The following SNTG2 variants were observed in gnomAD, a reference collection of about 807,000 sequenced individuals.
The protein encoded by SNTG2 is syntrophin gamma 2, also known as gamma-2-syntrophin.
SNTG2 carries 74 observed loss-of-function variants against 70.9 expected under a neutral mutation model. The observed-to-expected ratio is 1.04, with a 90% confidence interval of 0.86 to 1.27. The LOEUF (loss-of-function observed/expected upper bound fraction) is 1.27, where lower values mean the gene tolerates loss of function less well. Ranked by LOEUF, SNTG2 falls within the 50% of genes most tolerant of loss-of-function variation. The pLI, the probability that SNTG2 is intolerant of heterozygous loss-of-function variation, is 0.00. For missense variants in SNTG2, 717 were observed against 690.7 expected, an observed-to-expected ratio of 1.04 and a Z score of -0.43; for synonymous variants, 278 against 273.8, an observed-to-expected ratio of 1.02 and a Z score of -0.15.
chr2:1,072,896 G>A (rs1663670925), intron 1 of SNTG2, among the ~76,000 whole-genome samples: 1 of 152,182 alleles, frequency 6.6e-6, no homozygotes, highest in Non-Finnish European at 1.5e-5. Context: ...GACTATGAGG[G>A]ATTTAAGACT....
chr2:1,323,241 G>T (rs902099849), intron 16 of SNTG2, among the ~76,000 whole-genome samples: 3 of 152,220 alleles, frequency 2.0e-5, no homozygotes, highest in Non-Finnish European at 4.4e-5. Flanking sequence ...GATTTCCAAG[G>T]ACAGCTTCTG....
At chr2:1,074,517 A>C (rs1386741842) in intron 1 of SNTG2, among the ~76,000 whole-genome samples, 1 of 152,188 alleles carries the variant, frequency 6.6e-6, no homozygotes, top group African/African-American at 2.4e-5. Context: ...GTTTTGAGAA[A>C]TTTGATAAAG....
At chr2:1,128,232 T>C (rs113649083) in intron 4 of SNTG2, among the ~76,000 whole-genome samples, 18 of 152,208 alleles carry the variant, frequency 1.2e-4, no homozygotes, top group African/African-American at 4.1e-4. Context: ...CTATAAGGAA[T>C]GCAATTTATT....
chr2:951,598 A>G (rs1456276664), intron 1 of SNTG2, among the ~76,000 whole-genome samples: 5 of 152,230 alleles, frequency 3.3e-5, no homozygotes, highest in Non-Finnish European at 1.5e-5. Flanking sequence ...ACTGGGTAAT[A>G]CGGATTTCTT....
intron 1 of SNTG2, among the ~76,000 whole-genome samples, chr2:1,072,321 TTTTTCTTTTTC>T (rs1360078835): frequency 1.8e-4 from 13 of 71,034 alleles, no homozygotes; most frequent in South Asian, 4.4e-4. Flanking sequence ...AGTGATTTTC[TTTTTCTTTTTC>T]TTTTCTTTTT....
chr2:1,040,873 C>T (rs1661398044), intron 1 of SNTG2, among the ~76,000 whole-genome samples: 1 of 152,200 alleles, frequency 6.6e-6, no homozygotes. Flanking sequence ...TGGAGCCCGG[C>T]TGTGCCATCA....
At chr2:1,279,117 G>T (rs1679412238) in intron 14 of SNTG2, among the ~76,000 whole-genome samples, 1 of 148,496 alleles carries the variant, frequency 6.7e-6, no homozygotes, top group South Asian at 2.2e-4. Flanking sequence ...GTCAGCGCGC[G>T]AATCACCCGT....
chr2:1,313,431 G>A (rs1051531124), intron 15 of SNTG2, among the ~76,000 whole-genome samples: 3 of 152,198 alleles, frequency 2.0e-5, no homozygotes, highest in African/African-American at 4.8e-5. Context: ...CTGCCCAACA[G>A]CGTCTCTGGA....
intron 1 of SNTG2, among the ~76,000 whole-genome samples, chr2:1,046,262 G>A (rs377141494): frequency 2.0e-5 from 3 of 152,270 alleles, no homozygotes; most frequent in African/African-American, 4.8e-5. Flanking sequence ...GTCCTTGAAT[G>A]TGAGATGGGT....
intron 12 of SNTG2, 48 bp downstream of exon 12, chr2:1,247,491 A>G (rs371396684): frequency 6.2e-5 from 82 of 1,322,322 alleles, no homozygotes; most frequent in Non-Finnish European, 8.3e-5. Flanking sequence ...TGGGAGGGCT[A>G]TTCCTGTAGG....
intron 1 of SNTG2, among the ~76,000 whole-genome samples, chr2:1,080,040 T>G (rs1243571547): frequency 2.0e-5 from 3 of 152,276 alleles, no homozygotes; most frequent in South Asian, 4.1e-4. Flanking sequence ...CTGCTCCTTA[T>G]TAGTGCCGCC....
intron 1 of SNTG2, among the ~76,000 whole-genome samples, chr2:977,154 CCT>C (rs1660932612): frequency 6.7e-6 from 1 of 150,252 alleles, no homozygotes; most frequent in African/African-American, 2.5e-5. Context: ...AGAGCCTGTT[CCT>C]ATCACTGACA....
intron 11 of SNTG2, among the ~76,000 whole-genome samples, chr2:1,241,247 A>G (rs922394492): frequency 2.0e-5 from 3 of 152,172 alleles, no homozygotes; most frequent in African/African-American, 7.2e-5. Flanking sequence ...GTTCGTCATG[A>G]GGACAGCCGT....
Position 1,255,885 on chromosome 2 carries a change from A to AATATATATAT in SNTG2, c.1006-3476_1006-3475insTATATATATA, listed in dbSNP as rs1305282798. On this transcript the variant is annotated intron_variant, in intron 12 of 16. Coordinates refer to ENST00000308624, the MANE Select transcript of SNTG2 (RefSeq NM_018968.4). ...ATAAATATATATAAATATATATATAAATATATATAAATATATATATAAATA... is the reference window on the plus strand; with the variant it reads ...ATAAATATATATAAATATATATATAAATATATATATATATATATAAATATATATATAAATA... Among the ~76,000 whole-genome samples, 11 of 90,480 alleles carry AATATATATAT rather than the reference A, an allele frequency of 1.2e-4. No individual in the cohort carries two copies. The South Asian group carries it at 2.2e-3, about 18-fold the overall frequency. The allele number at this position is 90,480 out of a possible 152,430, so 59.4% of individuals were successfully genotyped here.
chr2:1,078,935 A>C (rs1664100066), intron 1 of SNTG2, among the ~76,000 whole-genome samples: 1 of 152,172 alleles, frequency 6.6e-6, no homozygotes, highest in African/African-American at 2.4e-5. Flanking sequence ...GGTTGGGGGA[A>C]TCGTTGGATG....
At chr2:1,101,863 C>G (rs1234975237) in intron 4 of SNTG2, among the ~76,000 whole-genome samples, 1 of 152,208 alleles carries the variant, frequency 6.6e-6, no homozygotes, top group Non-Finnish European at 1.5e-5. Context: ...CTCTCCAGCT[C>G]TCATTCTCCA....
intron 1 of SNTG2, among the ~76,000 whole-genome samples, chr2:1,051,744 C>T (rs747611828): frequency 1.3e-5 from 2 of 152,196 alleles, no homozygotes; most frequent in Admixed American, 1.3e-4. Flanking sequence ...ACCACAGGAG[C>T]GATCTGGAAG....
intron 4 of SNTG2, among the ~76,000 whole-genome samples, chr2:1,106,621 G>A (rs1666175686): frequency 7.1e-6 from 1 of 140,948 alleles, no homozygotes; most frequent in Non-Finnish European, 1.5e-5. Flanking sequence ...TGCAGGGTAT[G>A]GAGAGCTCCT....
In SNTG2 at chr2:1,367,290, A is replaced by G. The variant is rs1035586806; in HGVS notation, c.1489-53A>G. 1.2e-5 allele frequency: 18 copies of G among 1,472,166 alleles called. No individual in the cohort carries two copies. In the South Asian group the frequency reaches 1.6e-4, roughly 13 times the overall value. 91.2% of individuals were successfully genotyped at this position (1,472,166 alleles called of 1,614,324 possible). ...TCCAAACTTTGTTAAATATTTTTGTAACGTGTTCTTCCAACAATTATAATA... is the reference window on the plus strand; with the variant it reads ...TCCAAACTTTGTTAAATATTTTTGTGACGTGTTCTTCCAACAATTATAATA... On this transcript the variant is annotated intron_variant, in intron 16 of 16. Transcript: ENST00000308624.
Sources: gnomAD v4.1 joint callset for allele counts (sites outside exome capture counted in the v4.1 genomes callset) on GRCh38, gnomAD v4.1.1 for gene constraint, MANE v1.5 for transcripts, NCBI Gene and HGNC (gene_info 2026-07-23, HGNC 2026-07-21) for gene names.